Variants in KIF1B observed in about 807,000 individuals in gnomAD.
The protein encoded by KIF1B is kinesin-like protein KIF1B.
A neutral mutation model predicts 241.9 loss-of-function variants in KIF1B; 76 were observed. That is an observed-to-expected ratio of 0.31 (90% CI 0.26 to 0.38). The LOEUF (loss-of-function observed/expected upper bound fraction) is 0.38, where lower values mean the gene tolerates loss of function less well. Among genes scored for constraint, KIF1B ranks in the 10% least tolerant of loss-of-function variants. The pLI is 1.00. For missense variants in KIF1B, 1,622 were observed against 2,271.4 expected, an observed-to-expected ratio of 0.71 and a Z score of 5.81; for synonymous variants, 750 against 796.7, an observed-to-expected ratio of 0.94 and a Z score of 0.99.
At chr1:10,286,046 T>G (rs1279252309) in intron 15 of KIF1B, among the ~76,000 whole-genome samples, 1 of 145,324 alleles carries the variant, frequency 6.9e-6, no homozygotes, top group African/African-American at 2.5e-5. Context: ...TGTAAAGATG[T>G]TTTTTTTTTT....
chr1:10,281,355 A>T (rs1649396776), intron 14 of KIF1B, among the ~76,000 whole-genome samples: 2 of 152,234 alleles, frequency 1.3e-5, no homozygotes, highest in African/African-American at 2.4e-5. Context: ...GTAATGAAAG[A>T]AAGTACAAAC....
At chr1:10,229,745 C>T (rs1187891912) in intron 1 of KIF1B, among the ~76,000 whole-genome samples, 2 of 151,304 alleles carry the variant, frequency 1.3e-5, no homozygotes, top group Non-Finnish European at 2.9e-5. Flanking sequence ...CCTGTAGCCC[C>T]AGCTACTCAG....
Position 10,232,378 on chromosome 1 carries a change from C to G in KIF1B, c.50C>G (p.Ser17Cys), listed in dbSNP as rs562929615. The G allele has an allele frequency of 6.2e-7, 1 of 1,614,054 alleles. No individual in the cohort carries two copies. The highest frequency in any genetic ancestry group is 1.3e-5 in the African/African-American group (1 of 75,028). ...GCTGTCCGGGTAAGGCCCTTCAATT[C>G]TCGAGAGACCAGCAAGGAATCCAAA... is the stretch of plus-strand genomic sequence containing the variant. ...KVAVRVRPFN[S>C]RETSKESKCI... Residue 17 changes from serine (S) to cysteine (C), a missense_variant, in exon 2 of 49, where the codon TCT (serine) becomes TGT (cysteine). Physicochemically the swap from Ser to Cys is moderately radical, Grantham distance 112 (BLOSUM62 -1). Around this residue, in one of 7 missense-constraint regions of KIF1B, gnomAD observed 156 missense variants for 244.8 expected, o/e 0.64. Transcript: ENST00000676179.
At chr1:10,211,999 C>T (rs886112772) in intron 1 of KIF1B, among the ~76,000 whole-genome samples, 5 of 152,080 alleles carry the variant, frequency 3.3e-5, no homozygotes, top group Admixed American at 3.3e-4. Context: ...AGGCTAGTGG[C>T]GGCATTTCTG....
At chr1:10,340,236 T>C (rs775311072) in intron 32 of KIF1B, among the ~76,000 whole-genome samples, 2 of 152,206 alleles carry the variant, frequency 1.3e-5, no homozygotes, top group Non-Finnish European at 2.9e-5. Context: ...ATAAAAAATA[T>C]CAAATACCTT....
chr1:10,262,796 T>C (rs1307328058), intron 5 of KIF1B, among the ~76,000 whole-genome samples: 1 of 152,198 alleles, frequency 6.6e-6, no homozygotes, highest in Admixed American at 6.5e-5. Context: ...CTCTTCTCCT[T>C]TAATATTGTT....
intron 35 of KIF1B, among the ~76,000 whole-genome samples, chr1:10,347,318 G>A (rs1010701235): frequency 6.6e-5 from 10 of 152,184 alleles, no homozygotes; most frequent in Non-Finnish European, 1.5e-4. Context: ...TGTTAGTAGT[G>A]ACAGTGCTTT....
intron 34 of KIF1B, among the ~76,000 whole-genome samples, chr1:10,344,450 A>G (rs1652516701): frequency 6.6e-6 from 1 of 152,162 alleles, no homozygotes. Context: ...TTTTCTTCCT[A>G]GAGATTTGGG....
At chr1:10,241,030 G>A (rs1321289207) in intron 2 of KIF1B, among the ~76,000 whole-genome samples, 1 of 152,134 alleles carries the variant, frequency 6.6e-6, no homozygotes, top group Non-Finnish European at 1.5e-5. Flanking sequence ...CCAGTCTGCT[G>A]TCTCAGGTTG....
chr1:10,279,036 T>G (rs1649267327), intron 13 of KIF1B, 61 bp from the exon 14 acceptor site: 8 of 1,256,672 alleles, frequency 6.4e-6, no homozygotes, highest in Non-Finnish European at 7.9e-6. Flanking sequence ...GTTCCCTCTC[T>G]GTGTCACTGC....
At chr1:10,372,293 C>G (rs1170372942) in intron 45 of KIF1B, among the ~76,000 whole-genome samples, 2 of 151,948 alleles carry the variant, frequency 1.3e-5, no homozygotes, top group Non-Finnish European at 2.9e-5. Context: ...CCAGCACTTT[C>G]AGGGGCTGAG....
chr1:10,376,625 T>C lies in KIF1B; in HGVS notation c.*38T>C. On this transcript the variant is annotated 3_prime_UTR_variant, in exon 49 of 49. Transcript: ENST00000676179. ...AGTGCCCTCACTCGCCTTCGAGAGA[T>C]AAAGAAAGCGTTACCTCTCATTTCT... 1 of 1,594,914 alleles carries C rather than the reference T, an allele frequency of 6.3e-7. No homozygotes were observed. Among genetic ancestry groups the C allele is most frequent in the Non-Finnish European group, 8.6e-7 (1 of 1,162,616 alleles).
At chr1:10,308,187 G>A (rs1305176741) in intron 22 of KIF1B, 4 of 1,061,850 alleles carry the variant, frequency 3.8e-6, no homozygotes, top group Admixed American at 5.4e-5. Flanking sequence ...ACTGGGAGGC[G>A]GGGATGCTGC....
At chr1:10,349,560 G>A (rs1652712706) in intron 37 of KIF1B, among the ~76,000 whole-genome samples, 1 of 151,974 alleles carries the variant, frequency 6.6e-6, no homozygotes, top group Non-Finnish European at 1.5e-5. Flanking sequence ...GAAAATCTGT[G>A]CTAAGAGAGT....
At chr1:10,215,157 TATATATATATATA>T (rs1414347207) in intron 1 of KIF1B, among the ~76,000 whole-genome samples, 1 of 68,420 alleles carries the variant, frequency 1.5e-5, no homozygotes, top group African/African-American at 9.9e-5. Flanking sequence ...TATATATATA[TATATATATATATA>T]TATTTTTTTT....
chr1:10,306,566 G>A, intron 22 of KIF1B: 2 of 496,746 alleles, frequency 4.0e-6, no homozygotes, highest in Non-Finnish European at 5.5e-6. Flanking sequence ...CACTATGCCA[G>A]TTGGGTGTAA....
At chr1:10,344,848 A>G (rs1276431365) in intron 34 of KIF1B, 1 of 152,204 alleles carries the variant, frequency 6.6e-6, no homozygotes, top group African/African-American at 2.4e-5. Context: ...AGACTCCCAG[A>G]GGTTAAGCAG....
At chr1:10,289,456 A>G (rs924144466) in intron 15 of KIF1B, among the ~76,000 whole-genome samples, 16 of 152,188 alleles carry the variant, frequency 1.1e-4, no homozygotes, top group Non-Finnish European at 2.1e-4. Flanking sequence ...TGAGTCTGTG[A>G]GGCCTGTCCT....
At chr1:10,243,617 G>A (rs1571126319) in intron 2 of KIF1B, among the ~76,000 whole-genome samples, 2 of 152,116 alleles carry the variant, frequency 1.3e-5, no homozygotes, top group Admixed American at 6.6e-5. Flanking sequence ...GTCTTGCCTG[G>A]GCTCACATAT....
Sources: gnomAD v4.1 joint callset for allele counts (sites outside exome capture counted in the v4.1 genomes callset) on GRCh38, gnomAD v4.1.1 for gene constraint, gnomAD v4.1.1 regional missense constraint, MANE v1.5 for transcripts, NCBI Gene and HGNC (gene_info 2026-07-23, HGNC 2026-07-21) for gene names.